LRP6: variants seen among roughly 807,000 people sequenced by gnomAD.
LRP6 encodes LDL receptor related protein 6.
Under a neutral mutation model 184.1 loss-of-function variants are expected in LRP6, and 43 were observed. The observed-to-expected ratio is 0.23, with a 90% CI of 0.18 to 0.30. The LOEUF is 0.30. Ranked by LOEUF, LRP6 falls within the 10% of genes least tolerant of loss-of-function variation. The pLI is 1.00. For synonymous variants in LRP6, 719 were observed against 684.9 expected, an observed-to-expected ratio of 1.05 and a Z score of -0.78; for missense variants, 1,571 against 2,005.3, an observed-to-expected ratio of 0.78 and a Z score of 4.14.
chr12:12,220,600 T>C (rs977783961), intron 2 of LRP6, among the ~76,000 whole-genome samples: 1 of 17,822 alleles, frequency 5.6e-5, no homozygotes, highest in African/African-American at 1.9e-4. Context: ...TTTTTCTTAG[T>C]TTTTTTTTTT....
intron 2 of LRP6, among the ~76,000 whole-genome samples, chr12:12,236,845 A>C (rs1457199517): frequency 6.6e-6 from 1 of 152,212 alleles, no homozygotes; most frequent in Admixed American, 6.5e-5. Context: ...AGGTGATTCC[A>C]TCCTAATGAA....
At chr12:12,258,879 G>C (rs1030650623) in intron 1 of LRP6, among the ~76,000 whole-genome samples, 5 of 152,148 alleles carry the variant, frequency 3.3e-5, no homozygotes, top group African/African-American at 1.2e-4. Context: ...CAATGACTAA[G>C]ACCATTAGAG....
At chr12:12,230,615 T>C (rs917246920) in intron 2 of LRP6, among the ~76,000 whole-genome samples, 14 of 152,154 alleles carry the variant, frequency 9.2e-5, no homozygotes, top group Non-Finnish European at 1.3e-4. Context: ...ATATACATAT[T>C]AGCAAGTATG....
intron 9 of LRP6, among the ~76,000 whole-genome samples, chr12:12,163,096 T>C (rs753378322): frequency 6.6e-6 from 1 of 152,026 alleles, no homozygotes; most frequent in African/African-American, 2.4e-5. Flanking sequence ...GTGCCTCAGT[T>C]TCCCGAGTAG....
intron 2 of LRP6, among the ~76,000 whole-genome samples, chr12:12,215,013 G>C (rs1020058782): frequency 6.6e-6 from 1 of 152,086 alleles, no homozygotes; most frequent in South Asian, 2.1e-4. Context: ...TGAACCCTTC[G>C]TTTTAGTCAC....
intron 2 of LRP6, among the ~76,000 whole-genome samples, chr12:12,224,514 G>A (rs1347411007): frequency 2.0e-5 from 3 of 151,472 alleles, no homozygotes; most frequent in Admixed American, 2.0e-4. Context: ...GGCTTCAAAA[G>A]AAAAATGTTA....
intron 3 of LRP6, among the ~76,000 whole-genome samples, chr12:12,189,783 G>A (rs1457203207): frequency 1.3e-5 from 2 of 152,076 alleles, no homozygotes; most frequent in African/African-American, 4.8e-5. Flanking sequence ...TTACAGGCGT[G>A]AGCCACCGAG....
intron 15 of LRP6, among the ~76,000 whole-genome samples, chr12:12,143,431 G>A (rs925326908): frequency 3.3e-5 from 5 of 152,120 alleles, no homozygotes; most frequent in African/African-American, 1.2e-4. Flanking sequence ...AATGTACATG[G>A]AAATTGCGGT....
intron 2 of LRP6, among the ~76,000 whole-genome samples, chr12:12,234,258 G>A (rs1423354426): frequency 1.3e-5 from 2 of 151,776 alleles, no homozygotes; most frequent in Non-Finnish European, 2.9e-5. Flanking sequence ...TTACACTTTA[G>A]CGTGGGCAAC....
chr12:12,252,593 CTTTGCCTGGTA>C (rs1482009432), intron 1 of LRP6, among the ~76,000 whole-genome samples: 1 of 152,174 alleles, frequency 6.6e-6, no homozygotes, highest in Admixed American at 6.5e-5. Flanking sequence ...TCTGGTGCTG[CTTTGCCTGGTA>C]TTAGACAACA....
At chr12:12,204,584 A>G (rs955126337) in intron 2 of LRP6, among the ~76,000 whole-genome samples, 16 of 152,176 alleles carry the variant, frequency 1.1e-4, no homozygotes, top group African/African-American at 3.9e-4. Flanking sequence ...TGAGAAGTCT[A>G]AAAGTCTCAT....
chr12:12,265,185 C>A (rs751114990), intron 1 of LRP6, among the ~76,000 whole-genome samples: 1 of 151,924 alleles, frequency 6.6e-6, no homozygotes, highest in Admixed American at 6.6e-5. Flanking sequence ...ACAGCAAAAC[C>A]CCTTTCAATA....
In LRP6 at chr12:12,150,969, C is replaced by A; in HGVS notation, c.2861G>T (p.Ser954Ile). 1 of 1,614,112 alleles carries A rather than the reference C, an allele frequency of 6.2e-7. No individual in the cohort carries two copies. The highest frequency in any genetic ancestry group is 8.5e-7 in the Non-Finnish European group (1 of 1,180,016). ...GTGGATGGGAAGGATGATGTCGGGG[C>A]TCTGTTGTTCATCAATCACCATGCG... ...INRMVIDEQQSPDIILPIHSL... is the reference protein window; with the variant it reads ...INRMVIDEQQIPDIILPIHSL... Residue 954 changes from serine to isoleucine, a missense_variant, in exon 13 of 23, where the codon AGC (serine) becomes ATC (isoleucine). Ser to Ile is a moderately radical substitution (Grantham distance 142). Transcript: ENST00000261349.
intron 2 of LRP6, among the ~76,000 whole-genome samples, chr12:12,215,841 G>A (rs1263522355): frequency 6.6e-5 from 10 of 151,314 alleles, no homozygotes; most frequent in East Asian, 2.0e-4. Context: ...GTGAAACCCC[G>A]TCTCTACTAA....
chr12:12,229,438 C>T (rs1318618498), intron 2 of LRP6, among the ~76,000 whole-genome samples: 1 of 150,004 alleles, frequency 6.7e-6, no homozygotes, highest in Non-Finnish European at 1.5e-5. Context: ...TCTCCCTTAA[C>T]TCAGCCATTT....
intron 2 of LRP6, among the ~76,000 whole-genome samples, chr12:12,220,411 G>T (rs1864456398): frequency 6.6e-6 from 1 of 152,132 alleles, no homozygotes; most frequent in African/African-American, 2.4e-5. Context: ...ACCTAACAGT[G>T]ATGCTTTCAC....
chr12:12,126,128 A>C (rs1420904279), intron 20 of LRP6, among the ~76,000 whole-genome samples: 1 of 152,248 alleles, frequency 6.6e-6, no homozygotes, highest in African/African-American at 2.4e-5. Context: ...CATTAAAAAG[A>C]AGGCCAGTTC....
intron 2 of LRP6, among the ~76,000 whole-genome samples, chr12:12,224,755 TG>T (rs1864574002): frequency 6.6e-6 from 1 of 152,194 alleles, no homozygotes; most frequent in African/African-American, 2.4e-5. Flanking sequence ...TCCAGTCCAC[TG>T]AACAGTATCA....
chr12:12,121,180 G>A lies in LRP6; in HGVS notation c.4788C>T (p.Ser1596=). The change falls in exon 23 of 23, where the codon AGC becomes AGT. Residue 1596 remains serine (S), a synonymous_variant. Coordinates refer to ENST00000261349, the MANE Select transcript of LRP6 (RefSeq NM_002336.3). ...SCPPSPYTER[S]YSHHLYPPPP... is the part of the protein sequence containing the mutation. ...GCGGTGGGTAGAGGTGATGAGAATA[G>A]CTCCTCTCTGTGTATGGAGAAGGTG... The A allele has an allele frequency of 6.2e-7, 1 of 1,614,014 alleles. No homozygotes were observed. The highest frequency in any genetic ancestry group is 8.5e-7 in the Non-Finnish European group (1 of 1,179,984).
Sources: allele counts gnomAD v4.1 joint callset (sites outside exome capture counted in the v4.1 genomes callset), GRCh38; gene constraint gnomAD v4.1.1; transcripts MANE v1.5; gene names NCBI Gene and HGNC (gene_info 2026-07-23, HGNC 2026-07-21).